Variants in COL9A1 observed in about 807,000 individuals in gnomAD.
The protein encoded by COL9A1 is collagen alpha-1(IX) chain.
In COL9A1, 104 loss-of-function variants were observed where a neutral mutation model predicts 142.6. The observed-to-expected ratio is 0.73, with a 90% CI of 0.62 to 0.86. The LOEUF (loss-of-function observed/expected upper bound fraction) is 0.86. COL9A1 is among the 40% of genes least tolerant of loss of function. The pLI is 0.00. For synonymous variants in COL9A1, 466 were observed against 396.0 expected, an observed-to-expected ratio of 1.18 and a Z score of -2.10; for missense variants, 1,210 against 1,176.6, an observed-to-expected ratio of 1.03 and a Z score of -0.42.
rs2072650 is a variant in COL9A1, at chr6:70,234,582, C to T, written c.2271G>A (p.Pro757=). The T allele has an allele frequency of 0.018, 29,809 of 1,614,076 alleles. 804 individuals are homozygous for T. Among genetic ancestry groups the T allele is most frequent in the East Asian group, 0.13 (5,979 of 44,882 alleles). ...AAACCTGCTTAATGTGCTGATCTGTCGGTGCTCTACCCTGGGACAGAAAAG... is the reference window on the plus strand; with the variant it reads ...AAACCTGCTTAATGTGCTGATCTGTTGGTGCTCTACCCTGGGACAGAAAAG... The part of the protein sequence containing the change: ...PGVQGPPGRA[P]TDQHIKQVCM... The change falls in exon 35 of 38, where the codon CCG becomes CCA. Residue 757 remains proline, a synonymous_variant. Coordinates refer to ENST00000357250, the MANE Select transcript of COL9A1 (RefSeq NM_001851.6).
At chr6:70,279,478 T>C (rs1296112917) in intron 10 of COL9A1, 3 of 151,944 alleles carry the variant, frequency 2.0e-5, no homozygotes, top group Non-Finnish European at 4.4e-5. Context: ...CCATCTCTAC[T>C]AAAAATACAA....
Position 70,265,943 on chromosome 6 carries a change from G to A in COL9A1, c.1341+774C>T, listed in dbSNP as rs902814458. 5.9e-5 allele frequency among the ~76,000 whole-genome samples: 9 copies of A among 151,960 alleles called. No individual in the cohort carries two copies. In the South Asian group the frequency reaches 1.5e-3, roughly 25 times the overall value. ...ACCTTCTATCACTACCCAATAAAGG[G>A]GTAGAAGGACATAGTCAACAAAGTC... is the stretch of plus-strand genomic sequence containing the variant. On this transcript the variant is annotated intron_variant, in intron 18 of 37. Transcript: ENST00000357250.
intron 4 of COL9A1, among the ~76,000 whole-genome samples, chr6:70,295,840 C>T (rs752046271): frequency 2.0e-5 from 3 of 152,160 alleles, no homozygotes; most frequent in Admixed American, 6.5e-5. Flanking sequence ...TGTCTTTTTA[C>T]ATTTCTCCTT....
intron 26 of COL9A1, chr6:70,253,174 G>T (rs1771060384): frequency 4.3e-6 from 2 of 465,354 alleles, no homozygotes; most frequent in Non-Finnish European, 7.9e-6. Context: ...TTTTCATTAA[G>T]GAAATCTAAT....
chr6:70,236,609 T>A (rs1769926791), intron 33 of COL9A1, among the ~76,000 whole-genome samples: 1 of 152,212 alleles, frequency 6.6e-6, no homozygotes, highest in African/African-American at 2.4e-5. Flanking sequence ...TTTTACTAGA[T>A]ACATCCAAAT....
intron 17 of COL9A1, 119 bp from the exon 18 acceptor site, chr6:70,266,889 T>A: frequency 2.4e-6 from 2 of 842,184 alleles, no homozygotes; most frequent in Non-Finnish European, 4.1e-6. Context: ...ATGAGTTATG[T>A]CACAAAGAAA....
intron 19 of COL9A1, among the ~76,000 whole-genome samples, chr6:70,261,494 C>A (rs567322918): frequency 3.1e-4 from 47 of 152,282 alleles, no homozygotes; most frequent in African/African-American, 9.4e-4. Flanking sequence ...TACTTCTGGA[C>A]AACCTGCTAA....
chr6:70,227,971 TAAGAA>T (rs1181107997), intron 36 of COL9A1, among the ~76,000 whole-genome samples: 4 of 152,052 alleles, frequency 2.6e-5, no homozygotes, highest in Admixed American at 6.6e-5. Flanking sequence ...TAAGGATATG[TAAGAA>T]AAGAATAGTA....
Position 70,216,994 on chromosome 6 carries a change from C to A in COL9A1, c.2669G>T (p.Gly890Val), listed in dbSNP as rs757561926. Reference sequence around the variant, plus strand: ...GGGAAGCCCAGGAGGTCCCGGGGGTCCAGGCACTCCAGGAATTCCTGCCAC... The same window carrying A: ...GGGAAGCCCAGGAGGTCCCGGGGGTACAGGCACTCCAGGAATTCCTGCCAC... ...PGVAGIPGVP[G>V]PPGPPGLPGF... The change falls in exon 38 of 38, where the codon GGA becomes GTA. Residue 890 changes from glycine (G) to valine (V), a missense_variant. Transcript: ENST00000357250. 6.2e-7 allele frequency: 1 copy of A among 1,614,076 alleles called. No individual in the cohort carries two copies. The highest frequency in any genetic ancestry group is 8.5e-7 in the Non-Finnish European group (1 of 1,179,998).
chr6:70,227,448 A>AAAAAAT (rs1769303490), intron 36 of COL9A1, among the ~76,000 whole-genome samples: 1 of 149,008 alleles, frequency 6.7e-6, no homozygotes, highest in Non-Finnish European at 1.5e-5. Flanking sequence ...AAAAAAAAAA[A>AAAAAAT]GGATGCTATT....
At chr6:70,289,036 G>T (rs1773559179) in intron 5 of COL9A1, among the ~76,000 whole-genome samples, 1 of 152,134 alleles carries the variant, frequency 6.6e-6, no homozygotes, top group Non-Finnish European at 1.5e-5. Context: ...AGTGAAGAAA[G>T]AACTGATAGT....
At chr6:70,251,640 A>C (rs1475596297) in intron 28 of COL9A1, among the ~76,000 whole-genome samples, 3 of 152,244 alleles carry the variant, frequency 2.0e-5, no homozygotes, top group Admixed American at 2.0e-4. Context: ...AAATCTATAG[A>C]GACATAAAGT....
chr6:70,234,672 C>T, intron 34 of COL9A1, 79 bp from the exon 35 acceptor site: 2 of 1,604,708 alleles, frequency 1.2e-6, no homozygotes, highest in Non-Finnish European at 1.7e-6. Flanking sequence ...CTGACAGACT[C>T]TGCAAGGAGC....
rs1345785838 is a variant in COL9A1 at position 70,281,008 on chromosome 6, G to A, written c.908C>T (p.Pro303Leu). The A allele has an allele frequency of 6.2e-7, 1 of 1,613,338 alleles. No homozygotes were observed. The highest frequency in any genetic ancestry group is 1.1e-5 in the South Asian group (1 of 91,060). ...GDRGPKGPPG[P>L]PGPAGEPGKP... ...CATATGCTCCAATCAACTTACCGGG[G>A]GGCCCGGGGGGCCCTTAGGACCTCG... The change falls in exon 9 of 38, where the codon CCC becomes CTC. Residue 303 changes from proline (P) to leucine (L), a missense_variant. Coordinates refer to ENST00000357250, the MANE Select transcript of COL9A1 (RefSeq NM_001851.6).
intron 33 of COL9A1, among the ~76,000 whole-genome samples, chr6:70,237,573 T>A (rs138849933): frequency 2.0e-5 from 3 of 152,350 alleles, no homozygotes; most frequent in Non-Finnish European, 4.4e-5. Context: ...TTGAATGCAA[T>A]TAACTTATTC....
intron 32 of COL9A1, 129 bp downstream of exon 32, chr6:70,240,560 C>A: frequency 2.2e-6 from 1 of 453,766 alleles, no homozygotes; most frequent in South Asian, 4.9e-5. Context: ...GTGAGGATAA[C>A]AGTGTCCAGA....
At chr6:70,274,986 A>G (rs902145849) in intron 10 of COL9A1, 4 of 564,224 alleles carry the variant, frequency 7.1e-6, no homozygotes, top group Non-Finnish European at 9.5e-6. Context: ...GATAAGTTGT[A>G]TCATACTCCT....
rs1414945380 is a variant in COL9A1 at position 70,252,162 on chromosome 6, C to T, written c.1830G>A (p.Gly610=). The change falls in exon 28 of 38, where the codon GGG becomes GGA. Residue 610 remains glycine, a synonymous_variant. Coordinates refer to ENST00000357250, the MANE Select transcript of COL9A1 (RefSeq NM_001851.6). The part of the protein sequence containing the change: ...MGNSGKPGQQ[G]PPGEVGPRGP... ...CTCGGGGTCCCACCTCTCCTGGAGG[C>T]CCCTGTTGGCCCTGTTATCAGGAAG... 1 of 1,614,110 alleles carries T rather than the reference C, an allele frequency of 6.2e-7. No individual in the cohort carries two copies. The highest frequency in any genetic ancestry group is 8.5e-7 in the Non-Finnish European group (1 of 1,179,986).
chr6:70,264,965 A>G (rs1771920317), intron 18 of COL9A1, among the ~76,000 whole-genome samples: 1 of 152,102 alleles, frequency 6.6e-6, no homozygotes, highest in African/African-American at 2.4e-5. Context: ...GTTTCAGTTC[A>G]GTCTATCTGC....
Sources: gnomAD v4.1 joint callset for allele counts (sites outside exome capture counted in the v4.1 genomes callset) on GRCh38, gnomAD v4.1.1 for gene constraint, MANE v1.5 for transcripts, NCBI Gene and HGNC (gene_info 2026-07-23, HGNC 2026-07-21) for gene names.